Variants in SLC25A13 observed in about 807,000 individuals in gnomAD.
SLC25A13 encodes the protein electrogenic aspartate/glutamate antiporter SLC25A13, mitochondrial.
Under a neutral mutation model 85.5 loss-of-function variants are expected in SLC25A13, and 70 were observed. The ratio of observed to expected loss-of-function variants is 0.82; its 90% CI spans 0.68 to 1.00. SLC25A13 has a LOEUF of 1.00. Among genes scored for constraint, SLC25A13 ranks in the 50% least tolerant of loss-of-function variants. SLC25A13 has a pLI of 0.00. For missense variants in SLC25A13, 765 were observed against 819.8 expected, an observed-to-expected ratio of 0.93 and a Z score of 0.82; for synonymous variants, 259 against 288.7, an observed-to-expected ratio of 0.90 and a Z score of 1.04.
intron 3 of SLC25A13, among the ~76,000 whole-genome samples, chr7:96,268,440 C>T (rs1798115812): frequency 2.0e-5 from 3 of 152,110 alleles, no homozygotes; most frequent in African/African-American, 7.2e-5. Flanking sequence ...CTGAGAAGTC[C>T]TTAGAGTCCC....
At chr7:96,234,149 TC>T (rs1002447165) in intron 4 of SLC25A13, among the ~76,000 whole-genome samples, 9 of 152,204 alleles carry the variant, frequency 5.9e-5, no homozygotes, top group African/African-American at 2.2e-4. Flanking sequence ...CTTACCACTG[TC>T]CCACCACTTC....
At position 96,295,248 on chromosome 7, in the gene SLC25A13, C is replaced by G. The variant is rs1026229318; in HGVS notation, c.69+1650G>C. Among the ~76,000 whole-genome samples, 3 of 152,144 alleles carry G rather than the reference C, an allele frequency of 2.0e-5. No homozygotes were observed. In the South Asian group the frequency reaches 6.2e-4, roughly 32 times the overall value. ...GCACATGCCTGTAATCCCAGCTACCCAGGAGCCTGAAAATCACCTGAACCC... is the reference window on the plus strand; with the variant it reads ...GCACATGCCTGTAATCCCAGCTACCGAGGAGCCTGAAAATCACCTGAACCC... On this transcript the variant is annotated intron_variant, in intron 2 of 17. Transcript: ENST00000265631.
At chr7:96,211,646 G>A (rs1318734789) in intron 4 of SLC25A13, among the ~76,000 whole-genome samples, 1 of 152,206 alleles carries the variant, frequency 6.6e-6, no homozygotes, top group African/African-American at 2.4e-5. Flanking sequence ...TAGGCAGAGA[G>A]CAACTGCTCA....
chr7:96,263,644 G>C (rs1011382215), intron 3 of SLC25A13, among the ~76,000 whole-genome samples: 2 of 151,892 alleles, frequency 1.3e-5, no homozygotes, highest in Admixed American at 1.3e-4. Flanking sequence ...CTCTCACCCC[G>C]TATTTTAGCT....
rs79886797 is a variant in SLC25A13 at position 96,121,918 on chromosome 7, G to A, written c.1671C>T (p.Thr557=). The part of the protein sequence containing the change: ...RLQVAARAGQ[T]TYSGVIDCFR... The stretch of plus-strand genomic sequence containing the variant: ...AGCAGTCTATCACTCCGCTGTAAGT[G>A]GTTTGGCCAGCCCGGGCAGCCACCT... Residue 557 remains threonine (T), a synonymous_variant, in exon 16 of 18, where the codon ACC becomes ACT. Coordinates refer to ENST00000265631, the MANE Select transcript of SLC25A13 (RefSeq NM_014251.3). 2.2e-3 allele frequency: 3,611 copies of A among 1,614,078 alleles called. 76 individuals are homozygous for A. The African/African-American group carries it at 0.042, about 19-fold the overall frequency.
chr7:96,157,105 A>G (rs1275809895), intron 13 of SLC25A13, among the ~76,000 whole-genome samples: 1 of 152,176 alleles, frequency 6.6e-6, no homozygotes, highest in African/African-American at 2.4e-5. Context: ...GAGTGCTGAG[A>G]GCAACCAGAA....
chr7:96,299,209 C>T (rs974789712), intron 1 of SLC25A13, among the ~76,000 whole-genome samples: 4 of 152,158 alleles, frequency 2.6e-5, no homozygotes, highest in African/African-American at 9.7e-5. Flanking sequence ...TTTCATAGCA[C>T]ATTTCTGCTT....
intron 4 of SLC25A13, among the ~76,000 whole-genome samples, chr7:96,218,230 T>C (rs1292079592): frequency 6.6e-6 from 1 of 152,162 alleles, no homozygotes; most frequent in Non-Finnish European, 1.5e-5. Context: ...AAGCAATAAT[T>C]TTCCTCAAAT....
intron 4 of SLC25A13, 137 bp downstream of exon 4, chr7:96,234,665 A>C (rs897591286): frequency 4.6e-6 from 3 of 650,488 alleles, no homozygotes; most frequent in Non-Finnish European, 8.0e-6. Context: ...AAAACATTGA[A>C]GTATCTTTAC....
chr7:96,264,974 G>A (rs1797994397), intron 3 of SLC25A13, among the ~76,000 whole-genome samples: 1 of 152,166 alleles, frequency 6.6e-6, no homozygotes, highest in South Asian at 2.1e-4. Flanking sequence ...ATGTTGTTTT[G>A]GTTGAAGAAT....
rs77751934 is a variant in SLC25A13, at chr7:96,124,483, G to A, written c.1592-2486C>T. 7.7e-3 allele frequency among the ~76,000 whole-genome samples: 1,171 copies of A among 152,248 alleles called. 22 individuals carry two copies. Among genetic ancestry groups the A allele is most frequent in the African/African-American group, 0.027 (1,106 of 41,542 alleles). Reference sequence around the variant, plus strand: ...TTGATATTACATAGAAATTGATGGCGTCTTCATAGTGAATTTTATCTTTTA... The same window carrying A: ...TTGATATTACATAGAAATTGATGGCATCTTCATAGTGAATTTTATCTTTTA... On this transcript the variant is annotated intron_variant, in intron 15 of 17. Coordinates refer to ENST00000265631, the MANE Select transcript of SLC25A13 (RefSeq NM_014251.3).
intron 3 of SLC25A13, among the ~76,000 whole-genome samples, chr7:96,235,605 T>A (rs1418522052): frequency 6.6e-6 from 1 of 152,128 alleles, no homozygotes; most frequent in African/African-American, 2.4e-5. Flanking sequence ...GTAATGGGTG[T>A]AGACTAGAGG....
intron 3 of SLC25A13, among the ~76,000 whole-genome samples, chr7:96,249,440 C>T (rs1797328771): frequency 6.6e-6 from 1 of 152,190 alleles, no homozygotes; most frequent in Admixed American, 6.5e-5. Flanking sequence ...TATAGATTTT[C>T]TGAAAATAAC....
intron 5 of SLC25A13, among the ~76,000 whole-genome samples, chr7:96,203,701 G>C (rs189645543): frequency 1.8e-4 from 28 of 151,860 alleles, no homozygotes; most frequent in African/African-American, 5.6e-4. Context: ...CCTATGTGTA[G>C]ACTGTTTTCA....
At chr7:96,320,128 C>T (rs1800282581) in intron 1 of SLC25A13, among the ~76,000 whole-genome samples, 1 of 152,214 alleles carries the variant, frequency 6.6e-6, no homozygotes, top group South Asian at 2.1e-4. Context: ...CCTCAGCATC[C>T]TGAGTAGCTG....
At chr7:96,275,448 T>C (rs1241034856) in intron 3 of SLC25A13, among the ~76,000 whole-genome samples, 1 of 152,212 alleles carries the variant, frequency 6.6e-6, no homozygotes, top group Non-Finnish European at 1.5e-5. Flanking sequence ...ATGTTTATTG[T>C]GGCACTATTC....
chr7:96,303,977 G>C (rs1799646923), intron 1 of SLC25A13, among the ~76,000 whole-genome samples: 1 of 152,132 alleles, frequency 6.6e-6, no homozygotes, highest in Admixed American at 6.5e-5. Context: ...TTCTCTGCGA[G>C]TGAGCCCTGA....
At chr7:96,286,796 G>C (rs1167517821) in intron 2 of SLC25A13, among the ~76,000 whole-genome samples, 1 of 152,162 alleles carries the variant, frequency 6.6e-6, no homozygotes, top group East Asian at 1.9e-4. Flanking sequence ...GAAAAGGGCA[G>C]AATTGGGCTC....
chr7:96,197,493 C>T (rs1238043521), intron 5 of SLC25A13, among the ~76,000 whole-genome samples: 1 of 152,116 alleles, frequency 6.6e-6, no homozygotes, highest in Non-Finnish European at 1.5e-5. Context: ...CCAGTGGGAG[C>T]TAACACATAG....
Sources: gnomAD v4.1 joint callset for allele counts (sites outside exome capture counted in the v4.1 genomes callset) on GRCh38, gnomAD v4.1.1 for gene constraint, MANE v1.5 for transcripts, NCBI Gene and HGNC (gene_info 2026-07-23, HGNC 2026-07-21) for gene names.